Variants in TMEM182 observed in about 807,000 individuals in gnomAD.
The protein encoded by TMEM182 is transmembrane protein 182.
In TMEM182, 20 loss-of-function variants were observed where a neutral mutation model predicts 26.8. The observed-to-expected ratio is 0.75, with a 90% CI of 0.53 to 1.09. The LOEUF is 1.09. Ranked by LOEUF, TMEM182 falls within the 50% of genes least tolerant of loss-of-function variation. The pLI, the probability that TMEM182 is intolerant of heterozygous loss-of-function variation, is 0.00. For missense variants in TMEM182, 277 were observed against 275.5 expected (o/e 1.01, Z -0.04); for synonymous variants, 109 against 102.2 (o/e 1.07, Z -0.40).
At chr2:102,843,626 C>T (rs1192728820) in exon 4 of TMEM182, 3 of 152,296 alleles carry the variant, frequency 2.0e-5, no homozygotes, top group East Asian at 3.9e-4. Flanking sequence ...AGTTGCAAGA[C>T]ACTTGGAAGC....
At chr2:102,782,096 G>A (rs7608580) in intron 3 of TMEM182, among the ~76,000 whole-genome samples, 45,751 of 151,920 alleles carry the variant, frequency 0.3, 7,101 homozygotes, top group South Asian at 0.42. Context: ...ACCTGATGTC[G>A]GGAGTTTGAG....
chr2:102,837,187 A>G (rs539463598), intron 3 of TMEM182, among the ~76,000 whole-genome samples: 5 of 152,068 alleles, frequency 3.3e-5, no homozygotes, highest in Non-Finnish European at 7.4e-5. Flanking sequence ...TTCCAACCCA[A>G]TTCTATTTGA....
intron 4 of TMEM182, among the ~76,000 whole-genome samples, chr2:102,810,142 A>G (rs1197844665): frequency 6.6e-6 from 1 of 152,190 alleles, no homozygotes; most frequent in African/African-American, 2.4e-5. Context: ...AAAAAAATAC[A>G]TGTAAGAGTA....
chr2:102,748,166 C>T (rs1299525292), intron 1 of TMEM182, among the ~76,000 whole-genome samples: 2 of 152,194 alleles, frequency 1.3e-5, no homozygotes, highest in East Asian at 3.9e-4. Context: ...CGTGTAGGCA[C>T]AAACAACCAA....
At chr2:102,759,723 G>T (rs1680150826), upstream of TMEM182, among the ~76,000 whole-genome samples, 1 of 152,102 alleles carries the variant, frequency 6.6e-6, no homozygotes, top group Non-Finnish European at 1.5e-5. Context: ...GGATCTCACT[G>T]AGCTCAAATT....
At chr2:102,762,788 C>A in intron 2 of TMEM182, 102 bp downstream of exon 2, 1 of 884,498 alleles carries the variant, frequency 1.1e-6, no homozygotes, top group Non-Finnish European at 1.7e-6. Context: ...TTGTGAGTTA[C>A]AAAATCTCAA....
chr2:102,838,401 G>A (rs796666338), intron 3 of TMEM182, among the ~76,000 whole-genome samples: 37 of 152,312 alleles, frequency 2.4e-4, no homozygotes, highest in African/African-American at 8.2e-4. Flanking sequence ...GCAATGTCAT[G>A]TGTATAGAAT....
intron 4 of TMEM182, among the ~76,000 whole-genome samples, chr2:102,800,387 T>C (rs1340368685): frequency 6.6e-6 from 1 of 152,206 alleles, no homozygotes; most frequent in Non-Finnish European, 1.5e-5. Flanking sequence ...AATCACACTA[T>C]ATGTGGACTT....
intron 1 of TMEM182, among the ~76,000 whole-genome samples, chr2:102,753,944 T>TC (rs113942853): frequency 8.9e-4 from 136 of 152,284 alleles, no homozygotes; most frequent in African/African-American, 3.1e-3. Context: ...CTGTGAATAA[T>TC]CCCTGAAAAT....
At position 102,817,231 on chromosome 2, in the gene TMEM182, T is replaced by C. The variant is rs1007430569; in HGVS notation, c.*2263T>C. ...GATACTGTGTTGCCAAATGTCCATG[T>C]TATGTTTATTTCTCTATTGGTTGTA... On this transcript the variant is annotated 3_prime_UTR_variant, in exon 5 of 5. Transcript: ENST00000412401. 2.0e-6 allele frequency: 2 copies of C among 985,284 alleles called. No individual in the cohort carries two copies. The highest frequency in any genetic ancestry group is 3.5e-5 in the African/African-American group (2 of 57,246). 61.0% of individuals were successfully genotyped at this position (985,284 alleles called of 1,614,324 possible). A position where few individuals can be genotyped will look rare whatever the true frequency, so the allele number is the denominator to read the frequency against.
intron 4 of TMEM182, among the ~76,000 whole-genome samples, chr2:102,799,554 A>G (rs766658595): frequency 1.3e-5 from 2 of 152,224 alleles, no homozygotes; most frequent in Non-Finnish European, 1.5e-5. Flanking sequence ...TCAACAAAGG[A>G]TGGGCAGCTG....
chr2:102,753,364 G>A (rs991786653), intron 1 of TMEM182, among the ~76,000 whole-genome samples: 7 of 152,086 alleles, frequency 4.6e-5, no homozygotes, highest in Non-Finnish European at 7.4e-5. Flanking sequence ...ATTTAAATAA[G>A]CATAAACTGC....
At chr2:102,770,974 A>G (rs186298489) in intron 3 of TMEM182, among the ~76,000 whole-genome samples, 19 of 152,324 alleles carry the variant, frequency 1.2e-4, no homozygotes, top group Non-Finnish European at 2.4e-4. Context: ...TGTTGTAGGT[A>G]TCTAATCTCA....
At chr2:102,749,048 ATAAAT>A (rs1679799223) in intron 1 of TMEM182, among the ~76,000 whole-genome samples, 2 of 152,340 alleles carry the variant, frequency 1.3e-5, no homozygotes, top group Admixed American at 1.3e-4. Context: ...TTTTAAAGAG[ATAAAT>A]TTAGTACCCT....
chr2:102,841,463 G>A (rs1280691750), intron 3 of TMEM182, among the ~76,000 whole-genome samples: 3 of 152,124 alleles, frequency 2.0e-5, no homozygotes, highest in Non-Finnish European at 4.4e-5. Flanking sequence ...ATTAAAACCG[G>A]GAGAAGAGAA....
intron 3 of TMEM182, among the ~76,000 whole-genome samples, chr2:102,766,760 G>T (rs1680468312): frequency 6.6e-6 from 1 of 152,222 alleles, no homozygotes; most frequent in East Asian, 1.9e-4. Context: ...GTCACCTTTG[G>T]TAAATTGAAA....
At chr2:102,837,745 T>C (rs1020017570) in intron 3 of TMEM182, among the ~76,000 whole-genome samples, 1 of 152,182 alleles carries the variant, frequency 6.6e-6, no homozygotes, top group African/African-American at 2.4e-5. Context: ...CAAGTGGCCT[T>C]GGGTCTAGCT....
chr2:102,786,614 TAAAGATTCTCCAGTG>T (rs1681406749), intron 3 of TMEM182, among the ~76,000 whole-genome samples: 1 of 152,216 alleles, frequency 6.6e-6, no homozygotes, highest in South Asian at 2.1e-4. Flanking sequence ...ATTTACATGA[TAAAGATTCTCCAGTG>T]ATTGTGACAG....
Position 102,771,747 on chromosome 2 carries a change from C to T in TMEM182, c.331+7320C>T, listed in dbSNP as rs372544611. Among the ~76,000 whole-genome samples the T allele has an allele frequency of 2.3e-4, 35 of 152,300 alleles. No individual in the cohort carries two copies. The East Asian group carries it at 2.3e-3, about 10-fold the overall frequency. On this transcript the variant is annotated intron_variant, in intron 3 of 4. Coordinates refer to ENST00000412401, the MANE Select transcript of TMEM182 (RefSeq NM_144632.5). ...CAGAAATCTCCTCTCACGCTAGGAA[C>T]TCCTGATGTGTACAGCAGGATTTCT... is the stretch of plus-strand genomic sequence containing the variant.
Sources: allele counts gnomAD v4.1 joint callset (sites outside exome capture counted in the v4.1 genomes callset), GRCh38; gene constraint gnomAD v4.1.1; transcripts MANE v1.5; gene names NCBI Gene and HGNC (gene_info 2026-07-23, HGNC 2026-07-21).